NEDD1: variants seen among roughly 807,000 people sequenced by gnomAD.
The protein encoded by NEDD1 is protein NEDD1.
NEDD1 carries 33 observed loss-of-function variants against 74.0 expected under a neutral mutation model. The ratio of observed to expected loss-of-function variants is 0.45; its 90% CI spans 0.34 to 0.60. The LOEUF (loss-of-function observed/expected upper bound fraction) is 0.60. Among genes scored for constraint, NEDD1 ranks in the 20% least tolerant of loss-of-function variants. The pLI is 0.01. For synonymous variants in NEDD1, 250 were observed against 264.4 expected (o/e 0.95, Z 0.53); for missense variants, 746 against 776.5 (o/e 0.96, Z 0.47).
chr12:96,912,627 T>C (rs1874034579), intron 3 of NEDD1, 96 bp from the exon 4 acceptor site: 2 of 659,130 alleles, frequency 3.0e-6, no homozygotes, highest in Non-Finnish European at 5.5e-6. Flanking sequence ...ATTGCTTGTC[T>C]TCTTAGTGTG....
chr12:96,952,227 T>G lies in NEDD1; in HGVS notation c.*174T>G, dbSNP rs1878779819. On this transcript the variant is annotated 3_prime_UTR_variant, in exon 16 of 16. Coordinates refer to ENST00000266742, the MANE Select transcript of NEDD1 (RefSeq NM_152905.4). Reference sequence around the variant, plus strand: ...GTTTCATCTTAAAAATATGTATATTTTTATATTAAAAATTGTACAGTATGT... The same window carrying G: ...GTTTCATCTTAAAAATATGTATATTGTTATATTAAAAATTGTACAGTATGT... 2.1e-6 allele frequency: 1 copy of G among 472,248 alleles called. No homozygotes were observed. The highest frequency in any genetic ancestry group is 3.7e-5 in the East Asian group (1 of 27,200). The allele number at this position is 472,248 out of a possible 1,614,324, so 29.3% of individuals were successfully genotyped here.
intron 9 of NEDD1, among the ~76,000 whole-genome samples, chr12:96,940,125 G>A (rs1437159121): frequency 6.6e-6 from 1 of 151,930 alleles, no homozygotes; most frequent in African/African-American, 2.4e-5. Flanking sequence ...CAACAAAATG[G>A]CTAAAATAAG....
intron 5 of NEDD1, among the ~76,000 whole-genome samples, chr12:96,919,728 G>C (rs1398394836): frequency 6.6e-6 from 1 of 152,088 alleles, no homozygotes; most frequent in African/African-American, 2.4e-5. Flanking sequence ...TGCAATACCT[G>C]TTATTTGTCA....
intron 14 of NEDD1, among the ~76,000 whole-genome samples, chr12:96,950,313 T>C (rs1231191024): frequency 2.6e-5 from 4 of 152,008 alleles, no homozygotes; most frequent in Non-Finnish European, 5.9e-5. Flanking sequence ...AACTCTGTTA[T>C]ACTGGTGACA....
intron 6 of NEDD1, among the ~76,000 whole-genome samples, chr12:96,932,166 G>A (rs11836610): frequency 0.31 from 46,443 of 150,960 alleles, 7,889 homozygotes; most frequent in East Asian, 0.42. Context: ...AGAAAAAATA[G>A]CATTGCTGCT....
At chr12:96,939,366 T>G (rs752135030) in intron 9 of NEDD1, among the ~76,000 whole-genome samples, 7 of 152,030 alleles carry the variant, frequency 4.6e-5, no homozygotes, top group Non-Finnish European at 7.4e-5. Flanking sequence ...GAGAGGAAAT[T>G]TCTTCTTTGT....
chr12:96,927,019 A>G (rs1875785700), intron 6 of NEDD1, among the ~76,000 whole-genome samples: 1 of 151,786 alleles, frequency 6.6e-6, no homozygotes, highest in African/African-American at 2.4e-5. Context: ...TATAATATAT[A>G]TCATGTTCAT....
rs1459486453 is a variant in NEDD1, at chr12:96,909,881, G to T, written c.122G>T (p.Cys41Phe). 1 of 1,605,586 alleles carries T rather than the reference G, an allele frequency of 6.2e-7. No individual in the cohort carries two copies. The highest frequency in any genetic ancestry group is 1.4e-5 in the African/African-American group (1 of 73,736). Residue 41 changes from cysteine (C) to phenylalanine (F), a missense_variant, in exon 3 of 16, where the codon TGT becomes TTT. Around this residue, in one of 3 missense-constraint regions of NEDD1, gnomAD observed 706 missense variants for 706.7 expected, o/e 1.00. Coordinates refer to ENST00000266742, the MANE Select transcript of NEDD1 (RefSeq NM_152905.4). Reference protein sequence around the residue: ...HTSPHGISSICWSSNNNFLVT... With the variant: ...HTSPHGISSIFWSSNNNFLVT... ...TCACCACATGGAATCAGCTCAATATGTTGGAGCAGCAATAGTATCCTTTAA... is the reference window on the plus strand; with the variant it reads ...TCACCACATGGAATCAGCTCAATATTTTGGAGCAGCAATAGTATCCTTTAA...
chr12:96,911,273 CTT>C (rs140215753), intron 3 of NEDD1, among the ~76,000 whole-genome samples: 1,528 of 152,218 alleles, frequency 0.01, 68 homozygotes, highest in East Asian at 0.095. Flanking sequence ...TTTTGGTTGA[CTT>C]TTGTTTTAAG....
chr12:96,928,173 A>T (rs1002287341), intron 6 of NEDD1, among the ~76,000 whole-genome samples: 2 of 152,170 alleles, frequency 1.3e-5, no homozygotes, highest in Non-Finnish European at 2.9e-5. Context: ...TCTTCTGTCC[A>T]TATAGTTATA....
intron 14 of NEDD1, among the ~76,000 whole-genome samples, chr12:96,946,184 A>G (rs1878181541): frequency 6.6e-6 from 1 of 152,156 alleles, no homozygotes; most frequent in African/African-American, 2.4e-5. Flanking sequence ...TCATAGATCT[A>G]TTAGGTATGC....
intron 6 of NEDD1, among the ~76,000 whole-genome samples, chr12:96,933,874 A>G (rs770176589): frequency 6.6e-6 from 1 of 152,230 alleles, no homozygotes. Context: ...AAAAAAGAAA[A>G]GTAGATAAAA....
intron 11 of NEDD1, among the ~76,000 whole-genome samples, chr12:96,942,904 A>T (rs1592924936): frequency 7.9e-6 from 1 of 126,322 alleles, no homozygotes; most frequent in Non-Finnish European, 1.8e-5. Context: ...TTGGCTGGAG[A>T]TATCAGTTCC....
At chr12:96,920,444 G>A (rs2136531514) in intron 6 of NEDD1, among the ~76,000 whole-genome samples, 1 of 152,242 alleles carries the variant, frequency 6.6e-6, no homozygotes, top group East Asian at 1.9e-4. Flanking sequence ...TTATAGAAAT[G>A]TGTCACATAG....
At chr12:96,924,863 T>C (rs771999716) in intron 6 of NEDD1, 1 of 453,298 alleles carries the variant, frequency 2.2e-6, no homozygotes, top group South Asian at 1.6e-5. Context: ...ATAGAAGTGA[T>C]GATAGTGGAC....
At chr12:96,933,617 A>G (rs1452663151) in intron 6 of NEDD1, among the ~76,000 whole-genome samples, 4 of 151,716 alleles carry the variant, frequency 2.6e-5, no homozygotes, top group Non-Finnish European at 5.9e-5. Flanking sequence ...ATGGGTTAAC[A>G]TATTAATTGT....
chr12:96,935,444 C>T (rs888919317), intron 7 of NEDD1, among the ~76,000 whole-genome samples: 1 of 152,136 alleles, frequency 6.6e-6, no homozygotes, highest in African/African-American at 2.4e-5. Context: ...AATGATTTCA[C>T]ATTTTAATTT....
intron 6 of NEDD1, among the ~76,000 whole-genome samples, chr12:96,922,558 A>T (rs1290541312): frequency 6.6e-6 from 1 of 152,206 alleles, no homozygotes; most frequent in Non-Finnish European, 1.5e-5. Flanking sequence ...TTAAAATCAG[A>T]CATGAAGGAA....
At chr12:96,934,207 C>CTT (rs34653282) in intron 6 of NEDD1, among the ~76,000 whole-genome samples, 21 of 147,960 alleles carry the variant, frequency 1.4e-4, no homozygotes, top group East Asian at 2.0e-4. Flanking sequence ...AATATTATTG[C>CTT]TTTTTTTTTT....
Sources: gnomAD v4.1 joint callset for allele counts (sites outside exome capture counted in the v4.1 genomes callset) on GRCh38, gnomAD v4.1.1 for gene constraint, gnomAD v4.1.1 regional missense constraint, MANE v1.5 for transcripts, NCBI Gene and HGNC (gene_info 2026-07-23, HGNC 2026-07-21) for gene names.